RGS7: variants seen among roughly 807,000 people sequenced by gnomAD.
RGS7 encodes the protein regulator of G-protein signaling 7.
A neutral mutation model predicts 81.1 loss-of-function variants in RGS7; 27 were observed. That is an observed-to-expected ratio of 0.33 (90% CI 0.25 to 0.46). The LOEUF (loss-of-function observed/expected upper bound fraction) is 0.46. Ranked by LOEUF, RGS7 falls within the 20% of genes least tolerant of loss-of-function variation. The pLI, the probability that RGS7 is intolerant of heterozygous loss-of-function variation, is 1.00. For missense variants in RGS7, 396 were observed against 607.4 expected (o/e 0.65, Z 3.66); for synonymous variants, 208 against 207.7 (o/e 1.00, Z -0.01).
intron 4 of RGS7, among the ~76,000 whole-genome samples, chr1:240,956,586 T>C (rs750268918): frequency 6.6e-6 from 1 of 152,104 alleles, no homozygotes; most frequent in Non-Finnish European, 1.5e-5. Context: ...AAGTATACAA[T>C]GACAAAGGGA....
chr1:240,960,206 C>CTTT (rs1681133268), intron 4 of RGS7, among the ~76,000 whole-genome samples: 2 of 65,462 alleles, frequency 3.1e-5, no homozygotes, highest in Admixed American at 2.6e-4. Flanking sequence ...CTTCTTCTTC[C>CTTT]TCTTCTTCTT....
chr1:241,163,314 T>C lies in RGS7; in HGVS notation c.79-64552A>G, dbSNP rs6657481. Among the ~76,000 whole-genome samples, 25,114 of 152,140 alleles carry C rather than the reference T, an allele frequency of 0.17. 4,149 individuals carry two copies. Among genetic ancestry groups the C allele is most frequent in the African/African-American group, 0.41 (17,015 of 41,472 alleles). On this transcript the variant is annotated intron_variant, in intron 2 of 18. Coordinates refer to ENST00000440928, the MANE Select transcript of RGS7 (RefSeq NM_001364886.1). The surrounding 1 kb of genome is among the most constrained non-coding windows in gnomAD (Gnocchi z 4.6). ...ACTGCATAGCACCCCTCTTTTCAAA[T>C]ACAGGGTGGAGGAAATCAAAATATC...
At chr1:240,904,298 G>A (rs1292491107) in intron 6 of RGS7, among the ~76,000 whole-genome samples, 1 of 152,158 alleles carries the variant, frequency 6.6e-6, no homozygotes, top group Non-Finnish European at 1.5e-5. Context: ...GGACGGGAGT[G>A]TTACAAAGCT....
chr1:240,790,362 A>T (rs1399006941), intron 18 of RGS7, among the ~76,000 whole-genome samples: 1 of 152,196 alleles, frequency 6.6e-6, no homozygotes, highest in Non-Finnish European at 1.5e-5. Flanking sequence ...TTTGTTGCCC[A>T]GGCTGATCTT....
At chr1:241,279,817 TA>T (rs1341371538) in intron 2 of RGS7, among the ~76,000 whole-genome samples, 1 of 152,252 alleles carries the variant, frequency 6.6e-6, no homozygotes, top group Non-Finnish European at 1.5e-5. Context: ...ATATGATATG[TA>T]AACTTCTGAG....
chr1:241,042,166 C>T (rs1293583348), intron 3 of RGS7, among the ~76,000 whole-genome samples: 2 of 152,094 alleles, frequency 1.3e-5, no homozygotes, highest in Admixed American at 6.6e-5. Context: ...TGTGTGGGGG[C>T]GCTGTACATA....
chr1:241,203,112 TTTTAC>T (rs2073639320), intron 2 of RGS7, among the ~76,000 whole-genome samples: 1 of 152,160 alleles, frequency 6.6e-6, no homozygotes, highest in South Asian at 2.1e-4. Flanking sequence ...TAGAAAATTA[TTTTAC>T]CTGTGGTTTT....
chr1:241,141,125 T>G (rs2067892161), intron 2 of RGS7, among the ~76,000 whole-genome samples: 1 of 152,068 alleles, frequency 6.6e-6, no homozygotes, highest in Non-Finnish European at 1.5e-5. Flanking sequence ...CATACAGGCG[T>G]TTTTTAGTAG....
intron 3 of RGS7, among the ~76,000 whole-genome samples, chr1:241,089,019 C>CTCTCT (rs1558700011): frequency 1.9e-5 from 2 of 105,056 alleles, no homozygotes; most frequent in East Asian, 5.0e-4. Context: ...GAGCAAGACT[C>CTCTCT]CATCTCTCTC....
rs989025606 is a variant in RGS7 at position 240,986,886 on chromosome 1, C to T, written c.176-3757G>A. Among the ~76,000 whole-genome samples, 9 of 151,938 alleles carry T rather than the reference C, an allele frequency of 5.9e-5. 4 individuals are homozygous for T. The highest frequency in any genetic ancestry group is 1.3e-4 in the Non-Finnish European group (9 of 68,002). On this transcript the variant is annotated intron_variant, in intron 3 of 18. Coordinates refer to ENST00000440928, the MANE Select transcript of RGS7 (RefSeq NM_001364886.1). ...CGTGAGCCACCGCGCCCGGCCTAAACACCACTATTATTAAACATGATGTTA... is the reference window on the plus strand; with the variant it reads ...CGTGAGCCACCGCGCCCGGCCTAAATACCACTATTATTAAACATGATGTTA...
intron 6 of RGS7, among the ~76,000 whole-genome samples, chr1:240,904,541 C>A (rs1333634859): frequency 6.6e-6 from 1 of 152,196 alleles, no homozygotes; most frequent in East Asian, 1.9e-4. Context: ...CTCTCTCTTC[C>A]TTCCTCTGTC....
intron 6 of RGS7, among the ~76,000 whole-genome samples, chr1:240,926,528 T>A (rs1674463688): frequency 6.6e-6 from 1 of 152,164 alleles, no homozygotes; most frequent in Non-Finnish European, 1.5e-5. Flanking sequence ...TATAAAATGG[T>A]CATTTCTAGG....
At chr1:241,027,700 T>C (rs2059862944) in intron 3 of RGS7, among the ~76,000 whole-genome samples, 1 of 152,160 alleles carries the variant, frequency 6.6e-6, no homozygotes, top group South Asian at 2.1e-4. Context: ...GGTTTGTATT[T>C]TTACAACTGC....
chr1:240,960,889 TTAGTC>T (rs1681318455), intron 4 of RGS7, among the ~76,000 whole-genome samples: 1 of 152,178 alleles, frequency 6.6e-6, no homozygotes, highest in Admixed American at 6.5e-5. Flanking sequence ...CTAATGAACT[TTAGTC>T]TGATTACAAA....
At chr1:241,239,724 A>G (rs2076176176) in intron 2 of RGS7, among the ~76,000 whole-genome samples, 1 of 152,206 alleles carries the variant, frequency 6.6e-6, no homozygotes, top group Non-Finnish European at 1.5e-5. Context: ...CAAACGGGAC[A>G]TGTCAGAAAT....
chr1:240,909,930 G>C (rs1186214910), intron 6 of RGS7, among the ~76,000 whole-genome samples: 1 of 152,112 alleles, frequency 6.6e-6, no homozygotes, highest in African/African-American at 2.4e-5. Flanking sequence ...AGCCACCTGG[G>C]TTTAGTTCGG....
At chr1:241,009,835 G>A (rs1449694439) in intron 3 of RGS7, among the ~76,000 whole-genome samples, 1 of 152,210 alleles carries the variant, frequency 6.6e-6, no homozygotes, top group Non-Finnish European at 1.5e-5. Context: ...CAATAACAAA[G>A]CATTAAGTTG....
chr1:241,043,831 G>A (rs1293815756), intron 3 of RGS7, among the ~76,000 whole-genome samples: 1 of 151,804 alleles, frequency 6.6e-6, no homozygotes, highest in Admixed American at 6.6e-5. Context: ...GAGGATGTGT[G>A]TAGGTTATCC....
At chr1:241,103,843 C>T (rs1251965178) in intron 2 of RGS7, among the ~76,000 whole-genome samples, 2 of 152,184 alleles carry the variant, frequency 1.3e-5, no homozygotes, top group African/African-American at 4.8e-5. Context: ...CACTGCACTC[C>T]AGCTTGCGCT....
Sources: gnomAD v4.1 joint callset for allele counts (sites outside exome capture counted in the v4.1 genomes callset) on GRCh38, gnomAD v4.1.1 for gene constraint, Gnocchi (gnomAD v3.1) non-coding constraint, MANE v1.5 for transcripts, NCBI Gene and HGNC (gene_info 2026-07-23, HGNC 2026-07-21) for gene names.